THEM4: variants seen among roughly 807,000 people sequenced by gnomAD.
The protein encoded by THEM4 is thioesterase superfamily member 4.
Under a neutral mutation model 25.0 loss-of-function variants are expected in THEM4, and 22 were observed. That is an observed-to-expected ratio of 0.88 (90% confidence interval 0.63 to 1.26). THEM4 has a LOEUF of 1.26. Ranked by LOEUF, THEM4 falls within the 50% of genes most tolerant of loss-of-function variation. The pLI, the probability that THEM4 is intolerant of heterozygous loss-of-function variation, is 0.00. For missense variants in THEM4, 286 were observed against 300.3 expected, an observed-to-expected ratio of 0.95 and a Z score of 0.35; for synonymous variants, 113 against 105.6, an observed-to-expected ratio of 1.07 and a Z score of -0.43.
At chr1:151,892,971 T>C (rs1388490319) in intron 2 of THEM4, among the ~76,000 whole-genome samples, 1 of 152,168 alleles carries the variant, frequency 6.6e-6, no homozygotes, top group Non-Finnish European at 1.5e-5. Flanking sequence ...CTAGAAGTTA[T>C]GTTCAAACAG....
chr1:151,892,697 T>C (rs560477988), intron 2 of THEM4, among the ~76,000 whole-genome samples: 1 of 152,332 alleles, frequency 6.6e-6, no homozygotes, highest in South Asian at 2.1e-4. Flanking sequence ...GTAAAGTGCC[T>C]TGCTCAAAGT....
At chr1:151,878,411 C>T (rs1379704523) in intron 4 of THEM4, among the ~76,000 whole-genome samples, 1 of 152,214 alleles carries the variant, frequency 6.6e-6, no homozygotes, top group Non-Finnish European at 1.5e-5. Context: ...GCTTACAAGA[C>T]ATAAGCCTGG....
At chr1:151,896,053 C>T (rs897297288) in intron 1 of THEM4, among the ~76,000 whole-genome samples, 10 of 141,604 alleles carry the variant, frequency 7.1e-5, no homozygotes, top group South Asian at 4.4e-4. Context: ...AGTGCAGTGG[C>T]GCAATCTTGG....
chr1:151,882,155 A>T (rs755470715), intron 4 of THEM4, among the ~76,000 whole-genome samples: 20 of 152,086 alleles, frequency 1.3e-4, no homozygotes, highest in Non-Finnish European at 2.5e-4. Flanking sequence ...AGGCGGATGG[A>T]TCATGAGGCC....
chr1:151,883,529 T>C (rs1356953666), intron 4 of THEM4, among the ~76,000 whole-genome samples: 9 of 152,014 alleles, frequency 5.9e-5, no homozygotes, highest in Admixed American at 2.6e-4. Context: ...CCTTGACACA[T>C]GGGGATTACA....
At chr1:151,877,580 TAAC>T (rs1431808820) in intron 4 of THEM4, among the ~76,000 whole-genome samples, 6 of 152,210 alleles carry the variant, frequency 3.9e-5, no homozygotes, top group African/African-American at 1.4e-4. Flanking sequence ...AGACACCTAA[TAAC>T]AACAAATTGC....
chr1:151,880,809 A>C (rs1653796356), intron 4 of THEM4, among the ~76,000 whole-genome samples: 1 of 152,138 alleles, frequency 6.6e-6, no homozygotes, highest in East Asian at 1.9e-4. Context: ...TACTTTTAAA[A>C]ATTCAATATT....
At chr1:151,891,686 CTGAAGA>C (rs1271858988) in intron 2 of THEM4, among the ~76,000 whole-genome samples, 1 of 152,136 alleles carries the variant, frequency 6.6e-6, no homozygotes, top group Non-Finnish European at 1.5e-5. Context: ...TGTGTACTGT[CTGAAGA>C]TAAGGCTCGA....
Position 151,872,685 on chromosome 1 carries a change from G to C in THEM4, c.*2203C>G, listed in dbSNP as rs1653579699. Among the ~76,000 whole-genome samples, 1 of 152,188 alleles carries C rather than the reference G, an allele frequency of 6.6e-6. No homozygotes were observed. Among genetic ancestry groups the C allele is most frequent in the African/African-American group, 2.4e-5 (1 of 41,442 alleles). ...TGCTGTATGGAATCAAGGTTTAAGG[G>C]ATCTAGGACTGTGCAGGACGTGCCT... On this transcript the variant is annotated 3_prime_UTR_variant, in exon 6 of 6. Transcript: ENST00000368814.
At position 151,873,473 on chromosome 1, in the gene THEM4, T is replaced by C. The variant is rs916060678; in HGVS notation, c.*1415A>G. 1.3e-5 allele frequency: 2 copies of C among 152,152 alleles called. No individual in the cohort carries two copies. Among genetic ancestry groups the C allele is most frequent in the African/African-American group, 4.8e-5 (2 of 41,436 alleles). The allele number at this position is 152,152 out of a possible 1,614,324, so 9.4% of individuals were successfully genotyped here. A position where few individuals can be genotyped will look rare whatever the true frequency, so the allele number is the denominator to read the frequency against. Reference sequence around the variant, plus strand: ...CCACCTGATGAGAAACACCCACAGGTGTGGAGGGGCTGGCCCCCTTCAACT... The same window carrying C: ...CCACCTGATGAGAAACACCCACAGGCGTGGAGGGGCTGGCCCCCTTCAACT... On this transcript the variant is annotated 3_prime_UTR_variant, in exon 6 of 6. Coordinates refer to ENST00000368814, the MANE Select transcript of THEM4 (RefSeq NM_053055.5).
intron 5 of THEM4, 82 bp from the exon 6 acceptor site, chr1:151,875,010 CAAA>C (rs1653643360): frequency 9.1e-7 from 1 of 1,103,618 alleles, no homozygotes; most frequent in Non-Finnish European, 1.4e-6. Context: ...AAGACATATA[CAAA>C]AGAAGGATTT....
In THEM4 at chr1:151,874,519, C is replaced by T. The variant is rs539311240; in HGVS notation, c.*369G>A. On this transcript the variant is annotated 3_prime_UTR_variant, in exon 6 of 6. Coordinates refer to ENST00000368814, the MANE Select transcript of THEM4 (RefSeq NM_053055.5). ...CCTCCTGAGTAGCTGGGACTACAGG[C>T]GTACGCCACCATGCCTGGATAATTT... 2.4e-5 allele frequency: 5 copies of T among 211,008 alleles called. No homozygotes were observed. The highest frequency in any genetic ancestry group is 9.1e-5 in the South Asian group (1 of 11,028). 13.1% of individuals were successfully genotyped at this position (211,008 alleles called of 1,614,324 possible). A position where few individuals can be genotyped will look rare whatever the true frequency, so the allele number is the denominator to read the frequency against.
At chr1:151,894,008 C>T (rs1333925980) in intron 2 of THEM4, among the ~76,000 whole-genome samples, 4 of 151,980 alleles carry the variant, frequency 2.6e-5, no homozygotes, top group Admixed American at 6.6e-5. Context: ...TACAGGTCCC[C>T]GCCACGAGGC....
Position 151,889,224 on chromosome 1 carries a change from C to A in THEM4, c.436G>T (p.Gly146Ter), listed in dbSNP as rs777551573. ...CLFQGGPYLE[G>*]PPGFIHGGAI... ...GGCTATCATTCTTACCCAGGTGGTC[C>A]TTCCAGGTAAGGGCCTCCTTGAAAT... Residue 146 changes from glycine (G) to a stop codon, truncating the protein, a stop_gained, in exon 3 of 6, where the codon GGA (glycine) becomes TGA (stop). Coordinates refer to ENST00000368814, the MANE Select transcript of THEM4 (RefSeq NM_053055.5). LOFTEE classifies it high-confidence loss of function. 1 of 1,612,316 alleles carries A rather than the reference C, an allele frequency of 6.2e-7. No individual in the cohort carries two copies. The highest frequency in any genetic ancestry group is 1.1e-5 in the South Asian group (1 of 91,016).
At position 151,874,685 on chromosome 1, in the gene THEM4, C is replaced by T. The variant is rs909461801; in HGVS notation, c.*203G>A. The T allele has an allele frequency of 2.2e-5, 14 of 635,940 alleles. No homozygotes were observed. The highest frequency in any genetic ancestry group is 3.7e-5 in the South Asian group (2 of 53,492). 39.4% of individuals were successfully genotyped at this position (635,940 alleles called of 1,614,324 possible). Reference sequence around the variant, plus strand: ...CCACAGCGCCTGGCCCGAGAGTTGTCGATATGCTCGCAGGAAGTATTTCTG... The same window carrying T: ...CCACAGCGCCTGGCCCGAGAGTTGTTGATATGCTCGCAGGAAGTATTTCTG... On this transcript the variant is annotated 3_prime_UTR_variant, in exon 6 of 6. Transcript: ENST00000368814.
chr1:151,877,169 ACTTATAT>A, intron 4 of THEM4, 44 bp from the exon 5 acceptor site: 1 of 1,560,956 alleles, frequency 6.4e-7, no homozygotes, highest in Non-Finnish European at 8.7e-7. Flanking sequence ...TTTTTATCTG[ACTTATAT>A]AACATTAAAA....
At chr1:151,899,907 A>C (rs937628369) in intron 1 of THEM4, among the ~76,000 whole-genome samples, 4 of 152,226 alleles carry the variant, frequency 2.6e-5, no homozygotes, top group Non-Finnish European at 5.9e-5. Context: ...TGTGAGAAAG[A>C]AGCACCAGGC....
At chr1:151,901,152 A>T (rs1558194335) in intron 1 of THEM4, among the ~76,000 whole-genome samples, 1 of 152,196 alleles carries the variant, frequency 6.6e-6, no homozygotes, top group Non-Finnish European at 1.5e-5. Context: ...AGGGGCTCTC[A>T]GCTCTGAAGG....
intron 4 of THEM4, among the ~76,000 whole-genome samples, chr1:151,877,747 A>G (rs1309274021): frequency 1.3e-5 from 2 of 152,300 alleles, no homozygotes; most frequent in Non-Finnish European, 2.9e-5. Flanking sequence ...GAGTCCTTAA[A>G]TTTATTTAAT....
Sources: allele counts gnomAD v4.1 joint callset (sites outside exome capture counted in the v4.1 genomes callset), GRCh38; gene constraint gnomAD v4.1.1; transcripts MANE v1.5; gene names NCBI Gene and HGNC (gene_info 2026-07-23, HGNC 2026-07-21).